NDRG1: variants seen among roughly 807,000 people sequenced by gnomAD.
NDRG1 encodes the protein protein NDRG1.
Under a neutral mutation model 56.9 loss-of-function variants are expected in NDRG1, and 32 were observed. That is an observed-to-expected ratio of 0.56 (90% CI 0.42 to 0.76). NDRG1 has a LOEUF of 0.76. NDRG1 is among the 30% of genes least tolerant of loss of function. NDRG1 has a pLI of 0.00. For synonymous variants in NDRG1, 211 were observed against 204.1 expected (o/e 1.03, Z -0.29); for missense variants, 507 against 545.7 (o/e 0.93, Z 0.71).
chr8:133,256,671 G>A (rs965011067), intron 8 of NDRG1, 106 bp downstream of exon 8: 12 of 1,041,646 alleles, frequency 1.2e-5, no homozygotes, highest in Non-Finnish European at 1.6e-5. Context: ...GTGGAGGAGT[G>A]GGTAAAGAGA....
intron 3 of NDRG1, among the ~76,000 whole-genome samples, chr8:133,274,846 T>C (rs933420312): frequency 6.6e-6 from 1 of 152,266 alleles, no homozygotes; most frequent in East Asian, 1.9e-4. Flanking sequence ...CTGCCGCCCC[T>C]GGGAAAGCCT....
At chr8:133,250,187 G>A (rs1023499359) in intron 10 of NDRG1, among the ~76,000 whole-genome samples, 8 of 152,174 alleles carry the variant, frequency 5.3e-5, no homozygotes, top group Non-Finnish European at 1.0e-4. Flanking sequence ...GTGCGACTGC[G>A]TCCCTCTCAC....
In NDRG1 at chr8:133,238,995, G is replaced by A; in HGVS notation, c.1068C>T (p.Thr356=). Residue 356 remains threonine (T), a synonymous_variant, in exon 16 of 16, where the codon ACC becomes ACT. Transcript: ENST00000323851. ...TSEGTRSRSH[T]SEGTRSRSHT... is the part of the protein sequence containing the mutation. ...GCGAGCGGCTGCGGGTGCCCTCGCT[G>A]GTGTGGGAGCGGCTTCGGGTGCCCT... 1 of 1,596,154 alleles carries A rather than the reference G, an allele frequency of 6.3e-7. No homozygotes were observed. The highest frequency in any genetic ancestry group is 8.5e-7 in the Non-Finnish European group (1 of 1,172,788).
chr8:133,258,244 C>A (rs1351833444), intron 7 of NDRG1, 122 bp downstream of exon 7: 1 of 973,090 alleles, frequency 1.0e-6, no homozygotes, highest in Non-Finnish European at 1.6e-6. Flanking sequence ...CACACACACA[C>A]AACTGTGGAG....
chr8:133,239,210 G>C, intron 15 of NDRG1, 91 bp from the exon 16 acceptor site: 2 of 1,532,070 alleles, frequency 1.3e-6, no homozygotes, highest in Non-Finnish European at 1.8e-6. Context: ...GCTCTTCTAC[G>C]TGCCAGCCCC....
At chr8:133,261,162 G>A (rs777672572) in intron 5 of NDRG1, among the ~76,000 whole-genome samples, 2 of 152,086 alleles carry the variant, frequency 1.3e-5, no homozygotes, top group Non-Finnish European at 2.9e-5. Flanking sequence ...CTGGAGTGCA[G>A]TGGTGCGATC....
chr8:133,246,758 C>T (rs1855706404), intron 12 of NDRG1, 95 bp from the exon 13 acceptor site: 2 of 1,141,034 alleles, frequency 1.8e-6, no homozygotes, highest in African/African-American at 1.5e-5. Context: ...TCACCAGAAA[C>T]TCCAGTATTT....
rs553174664 is a variant in NDRG1 at position 133,265,353 on chromosome 8, A to G, written c.100-701T>C. Among the ~76,000 whole-genome samples the G allele has an allele frequency of 2.6e-5, 4 of 152,264 alleles. No individual in the cohort carries two copies. The East Asian group carries it at 7.7e-4, about 29-fold the overall frequency. ...CTGGATCTGTAGCAGCCACATTGTC[A>G]CCGTGAGGCAAGGGCCTGCCTGAAA... On this transcript the variant is annotated intron_variant, in intron 3 of 15. Transcript: ENST00000323851.
intron 9 of NDRG1, among the ~76,000 whole-genome samples, chr8:133,253,982 A>G (rs914885148): frequency 1.3e-5 from 2 of 152,132 alleles, no homozygotes; most frequent in African/African-American, 4.8e-5. Flanking sequence ...GATTATAGGA[A>G]TGAGCACTGC....
intron 3 of NDRG1, among the ~76,000 whole-genome samples, chr8:133,271,490 G>A (rs1210622801): frequency 6.6e-6 from 1 of 152,120 alleles, no homozygotes; most frequent in African/African-American, 2.4e-5. Context: ...AGGAGGTGGA[G>A]ACACAGCAGT....
chr8:133,256,837 G>A lies in NDRG1; in HGVS notation c.477C>T (p.Gly159=), dbSNP rs747948344. 1.1e-5 allele frequency: 17 copies of A among 1,614,154 alleles called. No individual in the cohort carries two copies. Among genetic ancestry groups the A allele is most frequent in the Non-Finnish European group, 1.3e-5 (15 of 1,180,030 alleles). The change falls in exon 8 of 16, where the codon GGC becomes GGT. Residue 159 remains glycine (G), a synonymous_variant. Transcript: ENST00000323851. ...AAGGGTTCACGTTGATAAGGACAAG[G>A]CCCTCCACCATCTCAGGGTTGTTTA... ...FALNNPEMVE[G]LVLINVNPCA...
rs529504507 is a variant in NDRG1 at position 133,281,807 on chromosome 8, G to C, written c.64-1540C>G. 2.9e-4 allele frequency among the ~76,000 whole-genome samples: 44 copies of C among 152,318 alleles called. 1 individual carries two copies. The South Asian group carries it at 9.1e-3, about 32-fold the overall frequency. ...CATCAGGGACTTTGGGTAAATTCAA[G>C]TGGAAACAAACGTGGCTGGCACCTA... is the stretch of plus-strand genomic sequence containing the variant. On this transcript the variant is annotated intron_variant, in intron 2 of 15. Transcript: ENST00000323851.
intron 15 of NDRG1, chr8:133,241,776 C>G (rs898454592): frequency 6.8e-6 from 4 of 588,722 alleles, no homozygotes; most frequent in South Asian, 6.0e-5. Context: ...CTCATCTAAA[C>G]CCCCCAAAAT....
At chr8:133,260,507 G>A (rs953168452) in intron 5 of NDRG1, among the ~76,000 whole-genome samples, 1 of 152,170 alleles carries the variant, frequency 6.6e-6, no homozygotes, top group African/African-American at 2.4e-5. Context: ...AAAAATTCCT[G>A]GGGGTGGGGC....
intron 4 of NDRG1, 125 bp from the exon 5 acceptor site, chr8:133,262,292 A>T: frequency 7.9e-7 from 1 of 1,269,056 alleles, no homozygotes; most frequent in African/African-American, 1.5e-5. Flanking sequence ...AACTTAGAAG[A>T]ACACAGATGT....
intron 9 of NDRG1, among the ~76,000 whole-genome samples, chr8:133,250,909 A>T (rs1586422873): frequency 1.5e-5 from 1 of 65,836 alleles, no homozygotes; most frequent in African/African-American, 6.0e-5. Flanking sequence ...CAGATCTCTT[A>T]AAAAAAAAAA....
At chr8:133,276,913 T>C (rs1031533924) in intron 3 of NDRG1, among the ~76,000 whole-genome samples, 2 of 152,206 alleles carry the variant, frequency 1.3e-5, no homozygotes, top group African/African-American at 2.4e-5. Flanking sequence ...GTATTCACAA[T>C]AGCCCAAAGT....
rs2233327 is a variant in NDRG1 at position 133,259,263 on chromosome 8, G to A, written c.327-33C>T. The A allele has an allele frequency of 0.18, 292,178 of 1,604,840 alleles. 28,803 individuals carry two copies. The highest frequency in any genetic ancestry group is 0.33 in the East Asian group (14,697 of 44,804). ...TGACACAGAGAAGCCATTAGTGAGC[G>A]CCCGGACAGAAACGGGTAATCCAAA... On this transcript the variant is annotated intron_variant, in intron 5 of 15. Transcript: ENST00000323851.
At chr8:133,262,291 G>A in intron 4 of NDRG1, 124 bp from the exon 5 acceptor site, 1 of 1,267,950 alleles carries the variant, frequency 7.9e-7, no homozygotes, top group Non-Finnish European at 1.1e-6. Context: ...GAACTTAGAA[G>A]AACACAGATG....
Sources: gnomAD v4.1 joint callset for allele counts (sites outside exome capture counted in the v4.1 genomes callset) on GRCh38, gnomAD v4.1.1 for gene constraint, MANE v1.5 for transcripts, NCBI Gene and HGNC (gene_info 2026-07-23, HGNC 2026-07-21) for gene names.